Variants in CELF4 observed in about 807,000 individuals in gnomAD.
The protein encoded by CELF4 is CUGBP Elav-like family member 4, also known as CUG-BP- and ETR-3-like factor 4.
CELF4 carries 18 observed loss-of-function variants against 59.9 expected under a neutral mutation model. That is an observed-to-expected ratio of 0.30 (90% CI 0.21 to 0.45). The LOEUF (loss-of-function observed/expected upper bound fraction) is 0.45. Among genes scored for constraint, CELF4 ranks in the 20% least tolerant of loss-of-function variants. CELF4 has a pLI of 1.00. For synonymous variants in CELF4, 261 were observed against 267.1 expected (o/e 0.98, Z 0.22); for missense variants, 456 against 689.0 (o/e 0.66, Z 3.79).
At chr18:37,336,487 T>C (rs1392033227) in intron 2 of CELF4, among the ~76,000 whole-genome samples, 2 of 152,210 alleles carry the variant, frequency 1.3e-5, no homozygotes, top group African/African-American at 4.8e-5. Context: ...TGGCCTATCC[T>C]GTGTAGTTCT....
At chr18:37,492,841 T>C (rs947432247) in intron 1 of CELF4, among the ~76,000 whole-genome samples, 2 of 152,080 alleles carry the variant, frequency 1.3e-5, no homozygotes, top group Non-Finnish European at 2.9e-5. Flanking sequence ...ACCTCAACCA[T>C]GAACAACTTG....
At position 37,251,746 on chromosome 18, in the gene CELF4, A is replaced by C. The variant is rs546816921; in HGVS notation, c.*44+2021T>G. Among the ~76,000 whole-genome samples the C allele has an allele frequency of 1.4e-4, 21 of 152,316 alleles. No homozygotes were observed. The Middle Eastern group carries it at 0.01, about 74-fold the overall frequency. On this transcript the variant is annotated intron_variant, in intron 12 of 12. Transcript: ENST00000420428. The stretch of plus-strand genomic sequence containing the variant: ...TTCCTATGGAAATGCCCCCATCTGC[A>C]AGCTGCCTCCTGGTGTCTGTGTGTG...
intron 2 of CELF4, among the ~76,000 whole-genome samples, chr18:37,374,057 C>T (rs953519884): frequency 2.0e-5 from 3 of 152,184 alleles, no homozygotes; most frequent in Non-Finnish European, 2.9e-5. Context: ...GGCATTTTAC[C>T]GAAATCCACA....
chr18:37,450,490 C>T (rs1569569457), intron 2 of CELF4, among the ~76,000 whole-genome samples: 1 of 151,790 alleles, frequency 6.6e-6, no homozygotes, highest in South Asian at 2.1e-4. Flanking sequence ...CCTCTGTCTC[C>T]CCGCCCCCTT....
intron 2 of CELF4, among the ~76,000 whole-genome samples, chr18:37,408,403 G>A (rs1050522140): frequency 1.1e-4 from 16 of 149,874 alleles, no homozygotes; most frequent in Non-Finnish European, 1.8e-4. Flanking sequence ...TTCCAGGAAC[G>A]TAAGAATCTG....
chr18:37,414,503 C>CTTTTTTTTTTTTTTT (rs55943928), intron 2 of CELF4, among the ~76,000 whole-genome samples: 1 of 116,064 alleles, frequency 8.6e-6, no homozygotes, highest in Non-Finnish European at 1.6e-5. Context: ...CTTTTCTTTT[C>CTTTTTTTTTTTTTTT]TTTTTTTTTT....
chr18:37,459,004 C>T (rs1382414029), intron 2 of CELF4, among the ~76,000 whole-genome samples: 1 of 152,172 alleles, frequency 6.6e-6, no homozygotes, highest in Non-Finnish European at 1.5e-5. Flanking sequence ...GCTTGCAGAG[C>T]CTTCATTTCT....
chr18:37,469,296 C>A (rs990252452), intron 2 of CELF4, among the ~76,000 whole-genome samples: 1 of 152,152 alleles, frequency 6.6e-6, no homozygotes, highest in Non-Finnish European at 1.5e-5. Context: ...CTCTGCTCCT[C>A]CTGTATGGCA....
chr18:37,277,870 T>C (rs1172616888), intron 3 of CELF4, among the ~76,000 whole-genome samples: 1 of 152,156 alleles, frequency 6.6e-6, no homozygotes, highest in African/African-American at 2.4e-5. Flanking sequence ...GCCCTCTTGC[T>C]AAAAATTCCA....
At chr18:37,536,063 T>C (rs1349343028) in intron 1 of CELF4, among the ~76,000 whole-genome samples, 1 of 152,192 alleles carries the variant, frequency 6.6e-6, no homozygotes, top group Non-Finnish European at 1.5e-5. Context: ...ATCCTGGGTG[T>C]CATCAATGCT....
At chr18:37,261,994 C>T (rs889632909) in intron 10 of CELF4, among the ~76,000 whole-genome samples, 6 of 152,188 alleles carry the variant, frequency 3.9e-5, no homozygotes, top group Non-Finnish European at 2.9e-5. Context: ...CTGTGGGACA[C>T]GGCTTTGGCC....
chr18:37,565,561 C>G lies in CELF4; in HGVS notation c.81G>C (p.Pro27=), dbSNP rs1253541647. The stretch of plus-strand genomic sequence containing the variant: ...ATCCGTTCATGTGCCCGGCACTGCC[C>G]GGGCTGCTGCCGAGCCCGTTGGTAC... ...SLSTNGLGSS[P]GSAGHMNGLS... is the part of the protein sequence containing the mutation. The change falls in exon 1 of 13, where the codon CCG becomes CCC. Residue 27 remains proline (P), a synonymous_variant. Coordinates refer to ENST00000420428, the MANE Select transcript of CELF4 (RefSeq NM_020180.4). The G allele has an allele frequency of 6.2e-7, 1 of 1,614,114 alleles. No homozygotes were observed. Among genetic ancestry groups the G allele is most frequent in the African/African-American group, 1.3e-5 (1 of 75,050 alleles).
In CELF4 at chr18:37,389,680, G is replaced by A. The variant is rs147871689; in HGVS notation, c.370-67799C>T. On this transcript the variant is annotated intron_variant, in intron 2 of 12. Coordinates refer to ENST00000420428, the MANE Select transcript of CELF4 (RefSeq NM_020180.4). ...ACACACACCCCTGAGGATGGTCACC[G>A]CATCCTGCCCTCCCTGCAGCCTCAC... is the stretch of plus-strand genomic sequence containing the variant. Among the ~76,000 whole-genome samples the A allele has an allele frequency of 9.6e-4, 146 of 152,224 alleles. 3 individuals carry two copies. The East Asian group carries it at 0.017, about 17-fold the overall frequency.
At chr18:37,249,695 G>T (rs969872771) in intron 12 of CELF4, among the ~76,000 whole-genome samples, 3 of 152,222 alleles carry the variant, frequency 2.0e-5, no homozygotes, top group Non-Finnish European at 4.4e-5. Flanking sequence ...ACCACTCTCG[G>T]GGTGGAGGCT....
intron 2 of CELF4, among the ~76,000 whole-genome samples, chr18:37,339,426 G>C (rs990291612): frequency 6.6e-6 from 1 of 152,190 alleles, no homozygotes; most frequent in Non-Finnish European, 1.5e-5. Context: ...GTGTGAGCAT[G>C]AGTGTGCTCA....
At chr18:37,390,605 C>A (rs991141416) in intron 2 of CELF4, among the ~76,000 whole-genome samples, 1 of 151,868 alleles carries the variant, frequency 6.6e-6, no homozygotes, top group African/African-American at 2.4e-5. Flanking sequence ...TGCTGGTGAG[C>A]AGAATTAAGC....
chr18:37,342,233 GCACACACACA>G (rs56845978), intron 2 of CELF4, among the ~76,000 whole-genome samples: 2 of 146,046 alleles, frequency 1.4e-5, no homozygotes, highest in South Asian at 2.2e-4. Flanking sequence ...AACAGCACAT[GCACACACACA>G]CACACACACA....
At chr18:37,367,965 G>A (rs2098808280) in intron 2 of CELF4, among the ~76,000 whole-genome samples, 1 of 151,910 alleles carries the variant, frequency 6.6e-6, no homozygotes, top group Admixed American at 6.6e-5. Context: ...TCAGGGGGAG[G>A]GTGGGCTTGC....
At chr18:37,307,087 G>A (rs1225289735) in intron 3 of CELF4, among the ~76,000 whole-genome samples, 3 of 152,008 alleles carry the variant, frequency 2.0e-5, no homozygotes, top group Non-Finnish European at 4.4e-5. Flanking sequence ...CCCAGGAGCG[G>A]TGAGGGAAGG....
Sources: allele counts gnomAD v4.1 joint callset (sites outside exome capture counted in the v4.1 genomes callset), GRCh38; gene constraint gnomAD v4.1.1; transcripts MANE v1.5; gene names NCBI Gene and HGNC (gene_info 2026-07-23, HGNC 2026-07-21).